Variants in PHACTR1 observed in about 807,000 individuals in gnomAD.
The protein encoded by PHACTR1 is phosphatase and actin regulator 1.
Under a neutral mutation model 69.2 loss-of-function variants are expected in PHACTR1, and 16 were observed. That is an observed-to-expected ratio of 0.23 (90% CI 0.16 to 0.35). PHACTR1 has a LOEUF of 0.35. Ranked by LOEUF, PHACTR1 falls within the 10% of genes least tolerant of loss-of-function variation. The pLI is 1.00. For missense variants in PHACTR1, 510 were observed against 734.7 expected, an observed-to-expected ratio of 0.69 and a Z score of 3.54; for synonymous variants, 312 against 284.5, an observed-to-expected ratio of 1.10 and a Z score of -0.97.
chr6:13,278,226 C>T (rs1417775802), intron 11 of PHACTR1, 42 bp from the exon 12 acceptor site: 9 of 1,542,416 alleles, frequency 5.8e-6, no homozygotes, highest in Non-Finnish European at 7.9e-6. Flanking sequence ...GTACACAACA[C>T]TGTTTACTGA....
intron 4 of PHACTR1, among the ~76,000 whole-genome samples, chr6:12,828,770 C>A (rs1033032966): frequency 1.3e-5 from 2 of 149,380 alleles, no homozygotes; most frequent in Middle Eastern, 3.2e-3. Context: ...TAAAAAAAAA[C>A]ACAAGCTCTT....
At chr6:12,835,019 AG>A (rs2127734390) in intron 4 of PHACTR1, among the ~76,000 whole-genome samples, 1 of 152,312 alleles carries the variant, frequency 6.6e-6, no homozygotes, top group South Asian at 2.1e-4. Context: ...ATTCAGAAAA[AG>A]GGAGCAATGA....
rs563067659 is a variant in PHACTR1 at position 12,943,438 on chromosome 6, G to A, written c.251-109927G>A. 6.6e-5 allele frequency among the ~76,000 whole-genome samples: 10 copies of A among 152,274 alleles called. No homozygotes were observed. The East Asian group carries it at 1.3e-3, about 21-fold the overall frequency. On this transcript the variant is annotated intron_variant, in intron 4 of 14. Coordinates refer to ENST00000332995, the MANE Select transcript of PHACTR1 (RefSeq NM_030948.6). ...AAATATTATAGCACTACGTAGTGTC[G>A]ATGGCTGCACAACACTTTGAATATA...
intron 4 of PHACTR1, among the ~76,000 whole-genome samples, chr6:12,790,907 G>A (rs143466897): frequency 1.7e-4 from 26 of 152,312 alleles, no homozygotes; most frequent in South Asian, 4.1e-4. Context: ...GTTCTGTCAA[G>A]ATTGGATCAA....
At chr6:13,030,701 G>A (rs1003728551) in intron 4 of PHACTR1, among the ~76,000 whole-genome samples, 1 of 152,116 alleles carries the variant, frequency 6.6e-6, no homozygotes, top group Non-Finnish European at 1.5e-5. Flanking sequence ...GCTGTCTGTT[G>A]GTACTGAAGA....
chr6:12,743,033 A>G (rs956994948), intron 3 of PHACTR1, among the ~76,000 whole-genome samples: 4 of 152,188 alleles, frequency 2.6e-5, no homozygotes, highest in Admixed American at 2.6e-4. Context: ...CCAACCTGAT[A>G]TGGAGTCACT....
intron 8 of PHACTR1, among the ~76,000 whole-genome samples, chr6:13,217,848 C>T (rs1302867844): frequency 6.6e-6 from 1 of 152,216 alleles, no homozygotes; most frequent in East Asian, 1.9e-4. Flanking sequence ...TTGGTTATTT[C>T]TGCTATTTTT....
chr6:12,724,389 G>T (rs1024358778), intron 3 of PHACTR1, among the ~76,000 whole-genome samples: 14 of 152,178 alleles, frequency 9.2e-5, no homozygotes, highest in African/African-American at 3.4e-4. Context: ...GCTGCCCCTT[G>T]TATATTCATT....
At chr6:13,078,753 T>TC (rs1561798296) in intron 5 of PHACTR1, among the ~76,000 whole-genome samples, 1 of 152,116 alleles carries the variant, frequency 6.6e-6, no homozygotes, top group Non-Finnish European at 1.5e-5. Flanking sequence ...TAGTAATCCT[T>TC]CCCCCAGAGA....
At chr6:12,967,121 C>T (rs1047965357) in intron 4 of PHACTR1, among the ~76,000 whole-genome samples, 1 of 152,224 alleles carries the variant, frequency 6.6e-6, no homozygotes, top group African/African-American at 2.4e-5. Flanking sequence ...GCTGTTCCCA[C>T]AGCCCTTTTA....
At position 13,210,554 on chromosome 6, in the gene PHACTR1, C is replaced by T. The variant is rs759732521; in HGVS notation, c.986+4418C>T. Among the ~76,000 whole-genome samples, 9 of 152,274 alleles carry T rather than the reference C, an allele frequency of 5.9e-5. No homozygotes were observed. In the South Asian group the frequency reaches 8.3e-4, roughly 14 times the overall value. ...GTGTGTGGGTTCCAGAATTAACTGC[C>T]GGAGTTTGAGTCTTAGACACACCAC... On this transcript the variant is annotated intron_variant, in intron 8 of 14. Coordinates refer to ENST00000332995, the MANE Select transcript of PHACTR1 (RefSeq NM_030948.6).
chr6:13,181,635 G>T (rs980004663), intron 6 of PHACTR1, among the ~76,000 whole-genome samples: 1 of 152,202 alleles, frequency 6.6e-6, no homozygotes, highest in Non-Finnish European at 1.5e-5. Flanking sequence ...TCTGCACTAC[G>T]TGGCGTGATT....
At chr6:12,958,248 G>A (rs1329519224) in intron 4 of PHACTR1, among the ~76,000 whole-genome samples, 7 of 152,062 alleles carry the variant, frequency 4.6e-5, no homozygotes, top group Middle Eastern at 3.4e-3. Context: ...CAGAAGAGAT[G>A]GATACAAAAC....
At chr6:13,243,437 A>G (rs1270153693) in intron 10 of PHACTR1, among the ~76,000 whole-genome samples, 1 of 152,196 alleles carries the variant, frequency 6.6e-6, no homozygotes, top group Non-Finnish European at 1.5e-5. Flanking sequence ...AAGCATCCAA[A>G]TAATGGCCTA....
At chr6:13,087,446 A>G (rs1812496551) in intron 5 of PHACTR1, among the ~76,000 whole-genome samples, 1 of 151,800 alleles carries the variant, frequency 6.6e-6, no homozygotes, top group Non-Finnish European at 1.5e-5. Flanking sequence ...TAGATGAAAT[A>G]TTATCAAACT....
At chr6:13,229,009 A>T (rs1309420643) in intron 9 of PHACTR1, among the ~76,000 whole-genome samples, 2 of 152,356 alleles carry the variant, frequency 1.3e-5, no homozygotes, top group East Asian at 1.9e-4. Context: ...TCCAAGTAAG[A>T]CCTGGTGAGC....
chr6:12,728,568 G>T (rs146808717), intron 3 of PHACTR1, among the ~76,000 whole-genome samples: 1 of 151,972 alleles, frequency 6.6e-6, no homozygotes, highest in Non-Finnish European at 1.5e-5. Flanking sequence ...GTAACTTTAG[G>T]CAAGTTATTT....
At chr6:13,169,993 A>AG (rs1239116475) in intron 6 of PHACTR1, among the ~76,000 whole-genome samples, 1 of 152,216 alleles carries the variant, frequency 6.6e-6, no homozygotes, top group Admixed American at 6.5e-5. Flanking sequence ...GTCCAATTGT[A>AG]GGGCAGCTCC....
intron 5 of PHACTR1, among the ~76,000 whole-genome samples, chr6:13,101,139 T>C (rs944372935): frequency 6.6e-6 from 1 of 152,250 alleles, no homozygotes; most frequent in Admixed American, 6.5e-5. Flanking sequence ...ATTTGGCTTA[T>C]GGTTCTGGAG....
Sources: allele counts gnomAD v4.1 joint callset (sites outside exome capture counted in the v4.1 genomes callset), GRCh38; gene constraint gnomAD v4.1.1; transcripts MANE v1.5; gene names NCBI Gene and HGNC (gene_info 2026-07-23, HGNC 2026-07-21).